LRRTM4: variants seen among roughly 807,000 people sequenced by gnomAD.
LRRTM4 encodes the protein leucine-rich repeat transmembrane neuronal protein 4.
In LRRTM4, 25 loss-of-function variants were observed where a neutral mutation model predicts 47.6. The ratio of observed to expected loss-of-function variants is 0.53; its 90% CI spans 0.38 to 0.73. LRRTM4 has a LOEUF of 0.73. Among genes scored for constraint, LRRTM4 ranks in the 30% least tolerant of loss-of-function variants. LRRTM4 has a pLI of 0.00. For missense variants in LRRTM4, 638 were observed against 713.4 expected (o/e 0.89, Z 1.20); for synonymous variants, 311 against 269.5 (o/e 1.15, Z -1.51).
At chr2:76,781,706 C>T (rs1262482779) in intron 3 of LRRTM4, among the ~76,000 whole-genome samples, 1 of 152,210 alleles carries the variant, frequency 6.6e-6, no homozygotes, top group East Asian at 1.9e-4. Context: ...GCAGAAATCA[C>T]CCGTCCTCTG....
intron 3 of LRRTM4, among the ~76,000 whole-genome samples, chr2:76,779,187 G>T (rs963449313): frequency 1.3e-5 from 2 of 152,042 alleles, no homozygotes; most frequent in African/African-American, 4.8e-5. Context: ...CCAAGTATGT[G>T]GTCATGTTTG....
At chr2:77,364,841 TG>T (rs1255235984) in intron 3 of LRRTM4, among the ~76,000 whole-genome samples, 1 of 152,076 alleles carries the variant, frequency 6.6e-6, no homozygotes, top group Non-Finnish European at 1.5e-5. Flanking sequence ...AATTTTTGTG[TG>T]GGAAAAACAC....
At chr2:77,096,268 C>A (rs931539665) in intron 3 of LRRTM4, among the ~76,000 whole-genome samples, 1 of 151,310 alleles carries the variant, frequency 6.6e-6, no homozygotes, top group Non-Finnish European at 1.5e-5. Context: ...TGGAATAATG[C>A]CTTCAAAATT....
intron 3 of LRRTM4, among the ~76,000 whole-genome samples, chr2:77,302,759 C>A (rs542377039): frequency 1.3e-5 from 2 of 152,104 alleles, no homozygotes; most frequent in Non-Finnish European, 2.9e-5. Context: ...CACGTGCACA[C>A]GCCCCTTCCT....
chr2:76,822,633 C>T (rs1209036060), intron 3 of LRRTM4, among the ~76,000 whole-genome samples: 2 of 151,404 alleles, frequency 1.3e-5, no homozygotes, highest in Non-Finnish European at 3.0e-5. Flanking sequence ...AATACGCTAA[C>T]CAGAACTGGC....
chr2:77,218,840 G>C (rs929887883), intron 3 of LRRTM4, among the ~76,000 whole-genome samples: 2 of 152,090 alleles, frequency 1.3e-5, no homozygotes, highest in East Asian at 3.9e-4. Context: ...GCCAGACCCA[G>C]ACTGAGCATT....
intron 3 of LRRTM4, among the ~76,000 whole-genome samples, chr2:77,283,513 C>T (rs983110228): frequency 6.6e-6 from 1 of 151,930 alleles, no homozygotes; most frequent in African/African-American, 2.4e-5. Flanking sequence ...AAAAAAATAC[C>T]TGCATTCAGA....
intron 3 of LRRTM4, among the ~76,000 whole-genome samples, chr2:76,954,967 C>G (rs528161090): frequency 6.6e-6 from 1 of 151,792 alleles, no homozygotes; most frequent in East Asian, 2.0e-4. Flanking sequence ...AACATAAATA[C>G]CATAACCAAC....
chr2:77,410,612 C>T (rs149342345), intron 3 of LRRTM4, among the ~76,000 whole-genome samples: 1 of 152,220 alleles, frequency 6.6e-6, no homozygotes, highest in African/African-American at 2.4e-5. Flanking sequence ...ATTGAGAAGG[C>T]AGGATGCTGA....
intron 3 of LRRTM4, among the ~76,000 whole-genome samples, chr2:77,232,193 G>T (rs1674983523): frequency 6.6e-6 from 1 of 152,188 alleles, no homozygotes; most frequent in African/African-American, 2.4e-5. Flanking sequence ...GCCTGTGAGT[G>T]TGTTGGTAAA....
chr2:77,461,380 C>T (rs1193693432), intron 3 of LRRTM4, among the ~76,000 whole-genome samples: 1 of 152,042 alleles, frequency 6.6e-6, no homozygotes, highest in Non-Finnish European at 1.5e-5. Flanking sequence ...ATTTCCCTGG[C>T]TTTGCTCATT....
chr2:77,093,475 C>T lies in LRRTM4; in HGVS notation c.1552-344559G>A, dbSNP rs537455198. On this transcript the variant is annotated intron_variant, in intron 3 of 3. Transcript: ENST00000409884. Reference sequence around the variant, plus strand: ...TCTTCTAACATCCCCACAATATCACCCCTTACACAAGACTTCCCTTCAGCT... The same window carrying T: ...TCTTCTAACATCCCCACAATATCACTCCTTACACAAGACTTCCCTTCAGCT... Among the ~76,000 whole-genome samples, 1,377 of 151,052 alleles carry T rather than the reference C, an allele frequency of 9.1e-3. 29 individuals carry two copies. The highest frequency in any genetic ancestry group is 0.032 in the African/African-American group (1,292 of 40,474).
chr2:76,987,158 T>C (rs77385515), intron 3 of LRRTM4, among the ~76,000 whole-genome samples: 2,155 of 152,014 alleles, frequency 0.014, 40 homozygotes, highest in African/African-American at 0.049. Context: ...GAATTGTCTT[T>C]TACAGTATTA....
chr2:77,354,431 G>T (rs1671896033), intron 3 of LRRTM4, among the ~76,000 whole-genome samples: 1 of 151,630 alleles, frequency 6.6e-6, no homozygotes, highest in East Asian at 1.9e-4. Context: ...TATTTATTGG[G>T]TGGGGGTGGG....
At chr2:76,810,987 T>C (rs1312741559) in intron 3 of LRRTM4, among the ~76,000 whole-genome samples, 3 of 152,136 alleles carry the variant, frequency 2.0e-5, no homozygotes, top group African/African-American at 4.8e-5. Context: ...AGTTAATAAC[T>C]AGATTCACTG....
At chr2:76,878,598 T>A (rs1672842088) in intron 3 of LRRTM4, among the ~76,000 whole-genome samples, 1 of 152,006 alleles carries the variant, frequency 6.6e-6, no homozygotes, top group South Asian at 2.1e-4. Context: ...GCGCAGTGGC[T>A]CATGCCTGCA....
At position 77,164,991 on chromosome 2, in the gene LRRTM4, C is replaced by CA. The variant is rs532631897; in HGVS notation, c.1551+353326dup. 1.4e-4 allele frequency among the ~76,000 whole-genome samples: 21 copies of CA among 152,058 alleles called. No individual in the cohort carries two copies. The South Asian group carries it at 3.3e-3, about 24-fold the overall frequency. On this transcript the variant is annotated intron_variant, in intron 3 of 3. Transcript: ENST00000409884. ...AGCAGAACTGAAGGAGACAGAGACA[C>CA]AAAAAACCCTTCAAAAATCAGTGAA...
intron 3 of LRRTM4, among the ~76,000 whole-genome samples, chr2:77,140,610 C>A (rs1338385580): frequency 1.2e-4 from 19 of 152,024 alleles, no homozygotes; most frequent in Non-Finnish European, 2.5e-4. Context: ...GCAACAAAAG[C>A]CAAAATTGAC....
chr2:76,812,776 C>CCCTCCTCCTCTCCCTCCCCTCTT (rs1670780666), intron 3 of LRRTM4, among the ~76,000 whole-genome samples: 1 of 85,636 alleles, frequency 1.2e-5, no homozygotes, highest in African/African-American at 5.7e-5. Context: ...CTCTCCCTCC[C>CCCTCCTCCTCTCCCTCCCCTCTT]CCTCCTCCTC....
Sources: gnomAD v4.1 joint callset for allele counts (sites outside exome capture counted in the v4.1 genomes callset) on GRCh38, gnomAD v4.1.1 for gene constraint, MANE v1.5 for transcripts, NCBI Gene and HGNC (gene_info 2026-07-23, HGNC 2026-07-21) for gene names.